The following AFG2A variants were observed in gnomAD, a reference collection of about 807,000 sequenced individuals.
AFG2A encodes the protein AAA ATPase AFG2A, also known as ATPase family gene 2 protein homolog A.
At chr4:123,208,608 C>G in the AFG2A span, among the ~76,000 whole-genome samples, 1 of 152,156 alleles carries the variant, frequency 6.6e-6, no homozygotes, top group Non-Finnish European at 1.5e-5. Flanking sequence ...GAGTCTGCAT[C>G]TAAGAAGTTT....
At chr4:123,168,041 A>G in the AFG2A span, among the ~76,000 whole-genome samples, 2 of 152,160 alleles carry the variant, frequency 1.3e-5, no homozygotes, top group Non-Finnish European at 2.9e-5. Context: ...CAGTATCACT[A>G]TTTGTTTTGA....
At chr4:122,999,722 T>A in the AFG2A span, among the ~76,000 whole-genome samples, 1,710 of 152,252 alleles carry the variant, frequency 0.011, 46 homozygotes, top group African/African-American at 0.038. Flanking sequence ...CTTGTAGTAT[T>A]GTTTGAAGTC....
At chr4:123,093,090 G>T in the AFG2A span, among the ~76,000 whole-genome samples, 2 of 152,104 alleles carry the variant, frequency 1.3e-5, no homozygotes, top group Non-Finnish European at 2.9e-5. Context: ...TTCTATCAGG[G>T]TGATACAGGA....
the AFG2A span, among the ~76,000 whole-genome samples, chr4:123,223,988 T>C: frequency 2.7e-4 from 41 of 152,342 alleles, no homozygotes; most frequent in African/African-American, 9.6e-4. Context: ...CATGAAATTA[T>C]CACCAGGACC....
chr4:122,943,924 G>T, the AFG2A span, among the ~76,000 whole-genome samples: 1 of 151,824 alleles, frequency 6.6e-6, no homozygotes, highest in South Asian at 2.1e-4. Flanking sequence ...TGAAATTCTG[G>T]GTTGAAAATT....
chr4:123,284,443 T>C, the AFG2A span, among the ~76,000 whole-genome samples: 1 of 152,214 alleles, frequency 6.6e-6, no homozygotes, highest in Non-Finnish European at 1.5e-5. Flanking sequence ...CTCCTGAAAA[T>C]TGGAAGCAGG....
the AFG2A span, among the ~76,000 whole-genome samples, chr4:123,165,376 G>T: frequency 2.0e-4 from 30 of 152,126 alleles, no homozygotes; most frequent in African/African-American, 6.7e-4. Flanking sequence ...TTTGTGGTAT[G>T]TAAATTATGT....
chr4:122,938,417 T>C, the AFG2A span, among the ~76,000 whole-genome samples: 1 of 152,204 alleles, frequency 6.6e-6, no homozygotes, highest in Non-Finnish European at 1.5e-5. Flanking sequence ...CTTTAGTAGA[T>C]TACTTAGTAA....
the AFG2A span, among the ~76,000 whole-genome samples, chr4:122,926,326 T>C: frequency 2.6e-5 from 4 of 152,244 alleles, no homozygotes; most frequent in African/African-American, 9.6e-5. Context: ...CTGAATATTA[T>C]GAGATCATCT....
the AFG2A span, among the ~76,000 whole-genome samples, chr4:123,272,750 A>G: frequency 6.6e-6 from 1 of 151,928 alleles, no homozygotes; most frequent in Non-Finnish European, 1.5e-5. Flanking sequence ...ATCGTAGAGA[A>G]CTGAAGTCAA....
chr4:122,950,426 G>A, the AFG2A span, among the ~76,000 whole-genome samples: 2,073 of 150,050 alleles, frequency 0.014, 49 homozygotes, highest in African/African-American at 0.048. Flanking sequence ...TGCAACCTCC[G>A]CCTCCTGAGT....
At chr4:123,184,820 G>GCCA in the AFG2A span, among the ~76,000 whole-genome samples, 1 of 152,128 alleles carries the variant, frequency 6.6e-6, no homozygotes, top group Admixed American at 6.5e-5. Flanking sequence ...ACAGGCGTGA[G>GCCA]CCACCGCGCC....
the AFG2A span, among the ~76,000 whole-genome samples, chr4:123,173,942 A>G: frequency 1.3e-5 from 2 of 152,118 alleles, no homozygotes; most frequent in Admixed American, 6.5e-5. Context: ...AGACAAATAT[A>G]TATTCTTGAT....
the AFG2A span, among the ~76,000 whole-genome samples, chr4:123,011,112 T>TGGCCAGCATTGATTATTCTTCCCC: frequency 1.3e-5 from 2 of 152,242 alleles, no homozygotes; most frequent in Non-Finnish European, 2.9e-5. Flanking sequence ...CTTTGTTCTC[T>TGGCCAGCATTGATTATTCTTCCCC]GGCCAGCATT....
chr4:123,295,504 G>A, the AFG2A span, among the ~76,000 whole-genome samples: 906 of 152,334 alleles, frequency 5.9e-3, 5 homozygotes, highest in Non-Finnish European at 9.4e-3. Context: ...CCTATAAAAG[G>A]AATGAGAAAT....
At chr4:123,286,262 AATC>A in the AFG2A span, among the ~76,000 whole-genome samples, 1 of 152,214 alleles carries the variant, frequency 6.6e-6, no homozygotes, top group Non-Finnish European at 1.5e-5. Flanking sequence ...CACTAAAAAA[AATC>A]ATTGTTACAT....
At chr4:123,169,096 G>C in the AFG2A span, among the ~76,000 whole-genome samples, 1 of 152,266 alleles carries the variant, frequency 6.6e-6, no homozygotes, top group South Asian at 2.1e-4. Flanking sequence ...CAATGCAGAT[G>C]GGGGGAAGGA....
the AFG2A span, among the ~76,000 whole-genome samples, chr4:123,121,964 T>A: frequency 6.6e-6 from 1 of 152,218 alleles, no homozygotes; most frequent in Non-Finnish European, 1.5e-5. Context: ...TATTTTAAAT[T>A]AGCTTTGTCA....
chr4:122,974,949 A>T, the AFG2A span, among the ~76,000 whole-genome samples: 2 of 152,122 alleles, frequency 1.3e-5, no homozygotes, highest in Non-Finnish European at 2.9e-5. Context: ...CATAAAGTTG[A>T]AAAGTCTTAA....
Sources: gnomAD v4.1 joint callset for allele counts (sites outside exome capture counted in the v4.1 genomes callset) on GRCh38, gnomAD v4.1.1 for gene constraint, MANE v1.5 for transcripts, NCBI Gene and HGNC (gene_info 2026-07-23, HGNC 2026-07-21) for gene names.